The following LINGO2 variants were observed in gnomAD, a reference collection of about 807,000 sequenced individuals.
LINGO2 encodes leucine-rich repeat and immunoglobulin-like domain-containing nogo receptor-interacting protein 2.
A neutral mutation model predicts 30.6 loss-of-function variants in LINGO2; 14 were observed. The ratio of observed to expected loss-of-function variants is 0.46; its 90% confidence interval spans 0.30 to 0.72. The LOEUF (loss-of-function observed/expected upper bound fraction) is 0.72. Among genes scored for constraint, LINGO2 ranks in the 30% least tolerant of loss-of-function variants. The pLI, the probability that LINGO2 is intolerant of heterozygous loss-of-function variation, is 0.07. For synonymous variants in LINGO2, 317 were observed against 288.5 expected, an observed-to-expected ratio of 1.10 and a Z score of -1.00; for missense variants, 729 against 751.7, an observed-to-expected ratio of 0.97 and a Z score of 0.35.
chr9:29,098,260 C>T, the LINGO2 span, among the ~76,000 whole-genome samples: 2 of 152,140 alleles, frequency 1.3e-5, no homozygotes, highest in South Asian at 2.1e-4. Flanking sequence ...ACAACTATTG[C>T]TCCTGGAGTC....
At chr9:28,003,606 C>A (rs539431104) in intron 5 of LINGO2, among the ~76,000 whole-genome samples, 2 of 152,070 alleles carry the variant, frequency 1.3e-5, no homozygotes, top group Non-Finnish European at 2.9e-5. Flanking sequence ...GGACTACAGG[C>A]GCCTGCCACC....
the LINGO2 span, among the ~76,000 whole-genome samples, chr9:29,040,371 C>G: frequency 6.6e-6 from 1 of 151,694 alleles, no homozygotes; most frequent in Admixed American, 6.6e-5. Context: ...ATACCAACAG[C>G]TAACTGAGAG....
chr9:28,197,141 C>G (rs1247051366), intron 4 of LINGO2, among the ~76,000 whole-genome samples: 1 of 151,906 alleles, frequency 6.6e-6, no homozygotes, highest in Non-Finnish European at 1.5e-5. Flanking sequence ...ACCTTGCATA[C>G]TTATATCAAA....
chr9:28,067,845 G>A (rs570725027), intron 4 of LINGO2, among the ~76,000 whole-genome samples: 6 of 152,198 alleles, frequency 3.9e-5, no homozygotes, highest in African/African-American at 4.8e-5. Flanking sequence ...ATGTAGATAC[G>A]TTGGGCATTC....
intron 4 of LINGO2, among the ~76,000 whole-genome samples, chr9:28,053,666 G>T (rs10812733): frequency 0.21 from 31,691 of 151,896 alleles, 6,204 homozygotes; most frequent in African/African-American, 0.51. Flanking sequence ...CTGGGGAATT[G>T]TAAAATAAAC....
chr9:29,029,973 T>C, the LINGO2 span, among the ~76,000 whole-genome samples: 1 of 152,068 alleles, frequency 6.6e-6, no homozygotes, highest in Non-Finnish European at 1.5e-5. Context: ...TTGCACCAGT[T>C]GCTACAATAA....
At chr9:29,135,926 C>T in the LINGO2 span, among the ~76,000 whole-genome samples, 12 of 152,234 alleles carry the variant, frequency 7.9e-5, no homozygotes, top group East Asian at 2.3e-3. Flanking sequence ...CGTCAAGGTT[C>T]ATCCATATCA....
At chr9:28,813,620 G>A in the LINGO2 span, among the ~76,000 whole-genome samples, 3 of 152,088 alleles carry the variant, frequency 2.0e-5, no homozygotes, top group South Asian at 6.2e-4. Flanking sequence ...CATTGAACAA[G>A]GCAGAAAAGG....
At chr9:28,606,100 C>G (rs1178119032) in intron 1 of LINGO2, among the ~76,000 whole-genome samples, 1 of 151,890 alleles carries the variant, frequency 6.6e-6, no homozygotes, top group Non-Finnish European at 1.5e-5. Flanking sequence ...AATAAAAACC[C>G]AGGATCCCTT....
chr9:28,769,512 ATATATATTTTTTTTTTTTTT>A, the LINGO2 span, among the ~76,000 whole-genome samples: 7 of 2,250 alleles, frequency 3.1e-3, 1 homozygote, highest in African/African-American at 6.5e-3. Flanking sequence ...ATATATATAT[ATATATATTTTTTTTTTTTTT>A]TTTTTTTTTT....
intron 4 of LINGO2, among the ~76,000 whole-genome samples, chr9:28,159,985 C>T (rs1828241262): frequency 6.6e-6 from 1 of 152,014 alleles, no homozygotes; most frequent in African/African-American, 2.4e-5. Flanking sequence ...ACATGAGTTT[C>T]TTATTTCTAT....
At chr9:28,702,373 T>G in the LINGO2 span, among the ~76,000 whole-genome samples, 1 of 151,926 alleles carries the variant, frequency 6.6e-6, no homozygotes, top group African/African-American at 2.4e-5. Flanking sequence ...CTATATCTAT[T>G]GATACAATCA....
chr9:28,707,601 T>C, the LINGO2 span, among the ~76,000 whole-genome samples: 16 of 152,218 alleles, frequency 1.1e-4, no homozygotes, highest in Non-Finnish European at 2.1e-4. Context: ...ACACTATCTG[T>C]TTCAAACTCC....
chr9:28,098,189 C>A (rs1021970031), intron 4 of LINGO2, among the ~76,000 whole-genome samples: 3 of 152,024 alleles, frequency 2.0e-5, no homozygotes, highest in Non-Finnish European at 1.5e-5. Context: ...CCTGTGGTCC[C>A]AGCTACTAGG....
the LINGO2 span, among the ~76,000 whole-genome samples, chr9:29,116,617 G>A: frequency 6.6e-6 from 1 of 151,472 alleles, no homozygotes; most frequent in Non-Finnish European, 1.5e-5. Flanking sequence ...TAGAAGTACA[G>A]TGAATTTCTT....
intron 4 of LINGO2, among the ~76,000 whole-genome samples, chr9:28,167,443 C>T (rs1291453573): frequency 2.0e-5 from 3 of 152,178 alleles, no homozygotes; most frequent in Admixed American, 6.5e-5. Flanking sequence ...TGCAGTGGCA[C>T]GATCACAGAT....
chr9:28,368,888 G>T (rs1036363414), intron 3 of LINGO2, among the ~76,000 whole-genome samples: 1 of 152,144 alleles, frequency 6.6e-6, no homozygotes, highest in East Asian at 1.9e-4. Context: ...GAGCCACCGT[G>T]CCCAGCCTAG....
At chr9:28,290,032 C>A (rs1823660263) in intron 4 of LINGO2, among the ~76,000 whole-genome samples, 1 of 152,178 alleles carries the variant, frequency 6.6e-6, no homozygotes, top group African/African-American at 2.4e-5. Context: ...ACATGTCTTC[C>A]TTTCTAGTGT....
chr9:29,100,242 G>C, the LINGO2 span, among the ~76,000 whole-genome samples: 1 of 152,198 alleles, frequency 6.6e-6, no homozygotes, highest in Non-Finnish European at 1.5e-5. Context: ...AGAGTGATCT[G>C]TGTGAGAGGA....
Sources: allele counts gnomAD v4.1 joint callset (sites outside exome capture counted in the v4.1 genomes callset), GRCh38; gene constraint gnomAD v4.1.1; transcripts MANE v1.5; gene names NCBI Gene and HGNC (gene_info 2026-07-23, HGNC 2026-07-21).